The following FDFT1 variants were observed in gnomAD, a reference collection of about 807,000 sequenced individuals.
FDFT1 encodes the protein farnesyl-diphosphate farnesyltransferase 1, also known as squalene synthase.
In FDFT1, 68 loss-of-function variants were observed where a neutral mutation model predicts 46.8. The ratio of observed to expected loss-of-function variants is 1.45; its 90% CI spans 1.19 to 1.78. The LOEUF (loss-of-function observed/expected upper bound fraction) is 1.78, where lower values mean the gene tolerates loss of function less well. FDFT1 is among the 40% of genes most tolerant of loss of function. The probability of loss-of-function intolerance (pLI) is 0.00; values close to 1 mark genes in which losing one functional copy is unlikely to be tolerated. For missense variants in FDFT1, 928 were observed against 524.4 expected (o/e 1.77, Z -7.52); for synonymous variants, 351 against 185.1 (o/e 1.90, Z -7.28).
chr8:11,823,476 T>C (rs777113460), intron 4 of FDFT1, among the ~76,000 whole-genome samples: 7 of 152,250 alleles, frequency 4.6e-5, no homozygotes, highest in Non-Finnish European at 1.0e-4. Context: ...TTCACTCTTT[T>C]CATGTTACTT....
At chr8:11,826,238 G>C in intron 5 of FDFT1, 23 bp downstream of exon 5, 1 of 1,465,336 alleles carries the variant, frequency 6.8e-7, no homozygotes, top group South Asian at 1.4e-5. Context: ...GGGTATTTTG[G>C]GGGAAAATAA....
chr8:11,818,495 T>A (rs1204616199), intron 3 of FDFT1, among the ~76,000 whole-genome samples: 1 of 152,212 alleles, frequency 6.6e-6, no homozygotes, highest in Non-Finnish European at 1.5e-5. Flanking sequence ...TGAGAGACTT[T>A]AAGTCTTTTT....
chr8:11,810,475 G>A (rs1308740587), intron 3 of FDFT1, among the ~76,000 whole-genome samples: 2 of 152,162 alleles, frequency 1.3e-5, no homozygotes, highest in African/African-American at 2.4e-5. Context: ...TTGTGTCTCC[G>A]TCTCCTCGTT....
In FDFT1 at chr8:11,839,230, A is replaced by C. The variant is rs1422977146; in HGVS notation, c.*621A>C. ...ACAGCAGGATTGCTTTTGACCTTTT[A>C]GAAGATTGGTCTCCAGTAAAGGTGG... On this transcript the variant is annotated 3_prime_UTR_variant, in exon 8 of 8. Coordinates refer to ENST00000220584, the MANE Select transcript of FDFT1 (RefSeq NM_004462.5). 6.5e-6 allele frequency: 1 copy of C among 152,778 alleles called. No individual in the cohort carries two copies. The highest frequency in any genetic ancestry group is 1.5e-5 in the Non-Finnish European group (1 of 68,414). The allele number at this position is 152,778 out of a possible 1,614,324, so 9.5% of individuals were successfully genotyped here. A position where few individuals can be genotyped will look rare whatever the true frequency, so the allele number is the denominator to read the frequency against.
In FDFT1 at chr8:11,808,562, G is replaced by C. The variant is rs181750463; in HGVS notation, c.100-232G>C. ...GCACCAAGGCCATGGCCCTCTTCAA[G>C]CGCACCTTGGTGCTGAGTCCCGCCG... On this transcript the variant is annotated intron_variant, in intron 1 of 7. Coordinates refer to ENST00000220584, the MANE Select transcript of FDFT1 (RefSeq NM_004462.5). The C allele has an allele frequency of 7.6e-3, 10,399 of 1,366,542 alleles. 53 individuals are homozygous for C. Among genetic ancestry groups the C allele is most frequent in the Non-Finnish European group, 9.2e-3 (9,774 of 1,065,258 alleles). The allele number at this position is 1,366,542 out of a possible 1,614,324, so 84.7% of individuals were successfully genotyped here. A position where few individuals can be genotyped will look rare whatever the true frequency, so the allele number is the denominator to read the frequency against.
upstream of FDFT1, among the ~76,000 whole-genome samples, chr8:11,800,976 T>TA (rs372810466): frequency 6.6e-6 from 1 of 152,258 alleles, no homozygotes; most frequent in African/African-American, 2.4e-5. Context: ...TGTAATCTAA[T>TA]ACATAAGTAA....
At chr8:11,817,206 C>T (rs1808578758) in intron 3 of FDFT1, among the ~76,000 whole-genome samples, 1 of 152,080 alleles carries the variant, frequency 6.6e-6, no homozygotes, top group African/African-American at 2.4e-5. Flanking sequence ...GCCTTGCATC[C>T]CAGGGATGAA....
chr8:11,837,209 CA>C (rs1811663831), intron 7 of FDFT1, among the ~76,000 whole-genome samples: 1 of 152,180 alleles, frequency 6.6e-6, no homozygotes, highest in African/African-American at 2.4e-5. Context: ...ATGGGCGAAA[CA>C]ACAGTAGACA....
chr8:11,804,940 A>C (rs1585857657), intron 1 of FDFT1, among the ~76,000 whole-genome samples: 7 of 117,100 alleles, frequency 6.0e-5, no homozygotes, highest in East Asian at 2.6e-4. Context: ...GGGGGGTCTC[A>C]CTCCATCGTC....
At chr8:11,827,715 G>A (rs185056086) in intron 5 of FDFT1, among the ~76,000 whole-genome samples, 4 of 152,240 alleles carry the variant, frequency 2.6e-5, no homozygotes, top group African/African-American at 7.2e-5. Flanking sequence ...CTGAAAAGAT[G>A]CTGAGTCTTA....
chr8:11,822,010 T>G, intron 4 of FDFT1, 132 bp downstream of exon 4: 1 of 1,038,360 alleles, frequency 9.6e-7, no homozygotes, highest in Non-Finnish European at 1.4e-6. Context: ...CTGTTTAGGT[T>G]GAATGTCTCA....
chr8:11,808,342 G>A, intron 1 of FDFT1: 2 of 1,233,806 alleles, frequency 1.6e-6, no homozygotes, highest in Non-Finnish European at 2.0e-6. Flanking sequence ...AGCGGGAGGA[G>A]GCGCCGGTGC....
chr8:11,808,579 G>A lies in FDFT1; in HGVS notation c.100-215G>A, dbSNP rs576521608. On this transcript the variant is annotated intron_variant, in intron 1 of 7. Coordinates refer to ENST00000220584, the MANE Select transcript of FDFT1 (RefSeq NM_004462.5). ...CTCTTCAAGCGCACCTTGGTGCTGA[G>A]TCCCGCCGCGGCGCCCAGGGGCCCG... 7.2e-6 allele frequency: 10 copies of A among 1,388,046 alleles called. No homozygotes were observed. In the South Asian group the frequency reaches 1.4e-4, roughly 20 times the overall value. The allele number at this position is 1,388,046 out of a possible 1,614,324, so 86.0% of individuals were successfully genotyped here.
Position 11,839,082 on chromosome 8 carries a change from A to G in FDFT1, c.*473A>G, listed in dbSNP as rs998615884. Reference sequence around the variant, plus strand: ...TTGAATGGAGTAGATAGAAATATTTATGGTTTAGGTAACAGTTAGATGTTT... The same window carrying G: ...TTGAATGGAGTAGATAGAAATATTTGTGGTTTAGGTAACAGTTAGATGTTT... On this transcript the variant is annotated 3_prime_UTR_variant, in exon 8 of 8. Coordinates refer to ENST00000220584, the MANE Select transcript of FDFT1 (RefSeq NM_004462.5). 1.2e-5 allele frequency: 2 copies of G among 160,980 alleles called. No individual in the cohort carries two copies. The highest frequency in any genetic ancestry group is 4.8e-5 in the African/African-American group (2 of 41,462). 10.0% of individuals were successfully genotyped at this position (160,980 alleles called of 1,614,324 possible).
At chr8:11,827,165 G>A (rs1160440784) in intron 5 of FDFT1, among the ~76,000 whole-genome samples, 1 of 152,062 alleles carries the variant, frequency 6.6e-6, no homozygotes. Flanking sequence ...CTGCAGCCAA[G>A]TACTTTAAAG....
In FDFT1 at chr8:11,802,927, A is replaced by C; in HGVS notation, c.95A>C (p.Asp32Ala). ...GGKRKVMPKM[D>A]QDSLSSSLKT... ...AAGCGGAAGGTGATGCCCAAGATGG[A>C]CCAGGTGGGCCGAGCCTCCCTGCTT... is the stretch of plus-strand genomic sequence containing the variant. The change falls in exon 1 of 8, where the codon GAC becomes GCC. Residue 32 changes from aspartate to alanine, a missense_variant. Asp to Ala is a moderately radical substitution (Grantham distance 126, BLOSUM62 -2). Coordinates refer to ENST00000220584, the MANE Select transcript of FDFT1 (RefSeq NM_004462.5). The C allele has an allele frequency of 6.2e-7, 1 of 1,606,368 alleles. No homozygotes were observed. The highest frequency in any genetic ancestry group is 8.5e-7 in the Non-Finnish European group (1 of 1,176,490).
chr8:11,815,393 G>C (rs941543277), intron 3 of FDFT1, among the ~76,000 whole-genome samples: 2 of 152,198 alleles, frequency 1.3e-5, no homozygotes, highest in Admixed American at 1.3e-4. Flanking sequence ...CCAGTAATGG[G>C]ATTGCTGGGT....
intron 1 of FDFT1, chr8:11,803,369 G>A: frequency 7.8e-7 from 1 of 1,290,038 alleles, no homozygotes; most frequent in Non-Finnish European, 1.0e-6. Flanking sequence ...GACTCCTCCA[G>A]TTTCACCACC....
chr8:11,837,639 C>G (rs1409093447), intron 7 of FDFT1, among the ~76,000 whole-genome samples: 2 of 152,062 alleles, frequency 1.3e-5, no homozygotes, highest in African/African-American at 4.8e-5. Context: ...CATTACAGAG[C>G]TCAGGCTTTT....
Sources: gnomAD v4.1 joint callset for allele counts (sites outside exome capture counted in the v4.1 genomes callset) on GRCh38, gnomAD v4.1.1 for gene constraint, MANE v1.5 for transcripts, NCBI Gene and HGNC (gene_info 2026-07-23, HGNC 2026-07-21) for gene names.